The following GSDMB variants were observed in gnomAD, a reference collection of about 807,000 sequenced individuals.
GSDMB encodes gasdermin B.
In GSDMB, 32 loss-of-function variants were observed where a neutral mutation model predicts 42.9. That is an observed-to-expected ratio of 0.75 (90% CI 0.56 to 1.00). The LOEUF (loss-of-function observed/expected upper bound fraction) is 1.00, where lower values mean the gene tolerates loss of function less well. GSDMB is among the 50% of genes least tolerant of loss of function. The pLI, the probability that GSDMB is intolerant of heterozygous loss-of-function variation, is 0.00. For missense variants in GSDMB, 468 were observed against 498.5 expected (o/e 0.94, Z 0.58); for synonymous variants, 175 against 193.7 (o/e 0.90, Z 0.80).
intron 9 of GSDMB, 143 bp from the exon 10 acceptor site, chr17:39,905,639 T>G: frequency 1.1e-6 from 1 of 889,844 alleles, no homozygotes; most frequent in South Asian, 1.5e-5. Flanking sequence ...CAAACAGGCC[T>G]CTGCTGTGAC....
At chr17:39,909,676 G>A in intron 4 of GSDMB, 80 bp downstream of exon 4, 1 of 1,285,586 alleles carries the variant, frequency 7.8e-7, no homozygotes, top group Non-Finnish European at 1.1e-6. Context: ...TGAAGGAAGA[G>A]TCTAAGGCTG....
At chr17:39,915,619 T>G (rs1205010520) in intron 2 of GSDMB, among the ~76,000 whole-genome samples, 1 of 125,962 alleles carries the variant, frequency 7.9e-6, no homozygotes, top group East Asian at 2.4e-4. Context: ...TTTTTTTTTT[T>G]GAGAGCTGAC....
intron 10 of GSDMB, 141 bp from the exon 11 acceptor site, chr17:39,905,105 G>GAGCTTCATACTCTCTC: frequency 1.4e-6 from 1 of 735,942 alleles, no homozygotes; most frequent in Non-Finnish European, 2.3e-6. Context: ...AGAGCCCGGA[G>GAGCTTCATACTCTCTC]AGCTTCATAC....
At chr17:39,906,508 A>C in intron 7 of GSDMB, 1 of 1,317,324 alleles carries the variant, frequency 7.6e-7, no homozygotes, top group Non-Finnish European at 9.8e-7. Context: ...CCCAACCCCA[A>C]ATTCTTCTCC....
At chr17:39,906,680 G>C in intron 7 of GSDMB, 1 of 1,204,098 alleles carries the variant, frequency 8.3e-7, no homozygotes, top group Non-Finnish European at 1.1e-6. Flanking sequence ...AAATCCTGAT[G>C]TCCAGGCCAC....
chr17:39,917,856 A>C, intron 1 of GSDMB: 1 of 159,818 alleles, frequency 6.3e-6, no homozygotes. Flanking sequence ...GTTCCAGGAC[A>C]ATCAGTACCT....
rs2063757133 is a variant in GSDMB, at chr17:39,918,586, C to G, written c.-67G>C. On this transcript the variant is annotated 5_prime_UTR_variant, in exon 1 of 11. Transcript: ENST00000418519. Reference sequence around the variant, plus strand: ...GAAATGGAAGTTGTGAGAATCCCCACAGATCTCTGCACAGTTCCTGGCCTC... The same window carrying G: ...GAAATGGAAGTTGTGAGAATCCCCAGAGATCTCTGCACAGTTCCTGGCCTC... 1 of 152,384 alleles carries G rather than the reference C, an allele frequency of 6.6e-6. No individual in the cohort carries two copies. Among genetic ancestry groups the G allele is most frequent in the African/African-American group, 2.4e-5 (1 of 41,432 alleles). The allele number at this position is 152,384 out of a possible 1,614,324, so 9.4% of individuals were successfully genotyped here. A position where few individuals can be genotyped will look rare whatever the true frequency, so the allele number is the denominator to read the frequency against.
chr17:39,911,099 C>T (rs1011149531), intron 3 of GSDMB, among the ~76,000 whole-genome samples: 4 of 151,950 alleles, frequency 2.6e-5, no homozygotes, highest in Non-Finnish European at 5.9e-5. Flanking sequence ...GTCAGGAGTT[C>T]GAGACCAGAT....
rs16965388 is a variant in GSDMB at position 39,905,886 on chromosome 17, G to A, written c.988C>T (p.Arg330Cys). The change falls in exon 9 of 11, where the codon CGT (arginine) becomes TGT (cysteine). Residue 330 changes from arginine to cysteine, a missense_variant. Physicochemically the swap from Arg to Cys is radical, Grantham distance 180. Coordinates refer to ENST00000418519, the MANE Select transcript of GSDMB (RefSeq NM_001165958.2). ...FNAAGVLVEARAKAILDFLDA... is the reference protein window; with the variant it reads ...FNAAGVLVEACAKAILDFLDA... ...AGGAAGTCCAGAATGGCTTTTGCAC[G>A]CGCTTCTACCAAGACCCCAGCAGCA... 6.5e-3 allele frequency: 10,559 copies of A among 1,614,000 alleles called. 511 individuals carry two copies. The African/African-American group carries it at 0.11, about 17-fold the overall frequency.
rs903053745 is a variant in GSDMB at position 39,906,202 on chromosome 17, T to C, written c.797A>G (p.Lys266Arg). Residue 266 changes from lysine (K) to arginine (R), a missense_variant, in exon 8 of 11, where the codon AAG becomes AGG. Coordinates refer to ENST00000418519, the MANE Select transcript of GSDMB (RefSeq NM_001165958.2). ...EKLEDMESVL[K>R]DLTEEKRKDV... ...TTTTCTCTTCTCCTCTGTCAGGTCC[T>C]TGAGGACACTCTCCATGTCCTCCAA... is the stretch of plus-strand genomic sequence containing the variant. 7 of 1,614,044 alleles carry C rather than the reference T, an allele frequency of 4.3e-6. No homozygotes were observed. In the South Asian group the frequency reaches 5.5e-5, roughly 13 times the overall value.
chr17:39,918,285 CA>C (rs2063751931), intron 1 of GSDMB: 2 of 152,168 alleles, frequency 1.3e-5, no homozygotes, highest in South Asian at 4.1e-4. Flanking sequence ...AACAATTTCC[CA>C]ATGAGGTGGT....
rs757110404 is a variant in GSDMB, at chr17:39,917,123, T to C, written c.194A>G (p.Asp65Gly). 3.7e-6 allele frequency: 6 copies of C among 1,614,120 alleles called. No homozygotes were observed. The highest frequency in any genetic ancestry group is 4.2e-6 in the Non-Finnish European group (5 of 1,179,964). Reference protein sequence around the residue: ...GLTLMDILDTDGDKWLDELDS... With the variant: ...GLTLMDILDTGGDKWLDELDS... ...CAGTTCATCTAACCACTTGTCCCCA[T>C]CTGTGTCCAGAATGTCCATCAGGGT... Residue 65 changes from aspartate to glycine, a missense_variant, in exon 2 of 11, where the codon GAT (aspartate) becomes GGT (glycine). Coordinates refer to ENST00000418519, the MANE Select transcript of GSDMB (RefSeq NM_001165958.2).
At chr17:39,906,653 A>C (rs2063509755) in intron 7 of GSDMB, 2 of 1,253,880 alleles carry the variant, frequency 1.6e-6, no homozygotes, top group Admixed American at 3.6e-5. Context: ...CATGAGAATC[A>C]CCTGAGGAGT....
At chr17:39,908,115 T>G (rs2063537552) in intron 6 of GSDMB, 61 bp downstream of exon 6, 1 of 965,648 alleles carries the variant, frequency 1.0e-6, no homozygotes. Context: ...AATTCCATTT[T>G]TAAAAATAGT....
rs1348057930 is a variant in GSDMB, at chr17:39,904,952, T to C, written c.1111A>G (p.Met371Val). 6.2e-7 allele frequency: 1 copy of C among 1,613,612 alleles called. No homozygotes were observed. The highest frequency in any genetic ancestry group is 8.5e-7 in the Non-Finnish European group (1 of 1,179,740). The change falls in exon 11 of 11, where the codon ATG (methionine) becomes GTG (valine). Residue 371 changes from methionine to valine, a missense_variant. Transcript: ENST00000418519. ...PLLKDQVKSV[M>V]EQNWDELASS... Reference sequence around the variant, plus strand: ...GCCAGCTCATCCCAGTTCTGCTCCATGACAGATTTCACCTGGAAGGAAACC... The same window carrying C: ...GCCAGCTCATCCCAGTTCTGCTCCACGACAGATTTCACCTGGAAGGAAACC...
intron 3 of GSDMB, among the ~76,000 whole-genome samples, chr17:39,910,595 G>A (rs1376298234): frequency 6.6e-6 from 1 of 152,142 alleles, no homozygotes; most frequent in Non-Finnish European, 1.5e-5. Context: ...ACTGAGATAG[G>A]CATCTGTGAA....
In GSDMB at chr17:39,905,458, C is replaced by G; in HGVS notation, c.1066G>C (p.Glu356Gln). Reference protein sequence around the residue: ...EEQQFVAEALEKGTLPLLKDQ... With the variant: ...EEQQFVAEALQKGTLPLLKDQ... ...TTCAACAGAGGAAGGGTCCCCTTCT[C>G]CAGGGCCTCAGCCACAAACTGCTGC... is the stretch of plus-strand genomic sequence containing the variant. The change falls in exon 10 of 11, where the codon GAG becomes CAG. Residue 356 changes from glutamate (E) to glutamine (Q), a missense_variant. Transcript: ENST00000418519. 1 of 1,609,752 alleles carries G rather than the reference C, an allele frequency of 6.2e-7. No individual in the cohort carries two copies. The highest frequency in any genetic ancestry group is 8.5e-7 in the Non-Finnish European group (1 of 1,178,146).
Position 39,908,729 on chromosome 17 carries a change from T to C in GSDMB, c.661+229A>G, listed in dbSNP as rs1050840361. Among the ~76,000 whole-genome samples, 3 of 152,188 alleles carry C rather than the reference T, an allele frequency of 2.0e-5. 1 individual carries two copies. Among genetic ancestry groups the C allele is most frequent in the Admixed American group, 1.3e-4 (2 of 15,270 alleles). ...AGACTGGGAGAGGAGTTAATGACTC[T>C]TATGTCATGTTCAGGCAAATCCTGG... On this transcript the variant is annotated intron_variant, in intron 5 of 10. Transcript: ENST00000418519.
chr17:39,912,014 G>T (rs895111930), intron 3 of GSDMB, among the ~76,000 whole-genome samples: 1 of 152,048 alleles, frequency 6.6e-6, no homozygotes, highest in African/African-American at 2.4e-5. Flanking sequence ...CATCCTGGGG[G>T]ACAGCAGGGA....
Sources: allele counts gnomAD v4.1 joint callset (sites outside exome capture counted in the v4.1 genomes callset), GRCh38; gene constraint gnomAD v4.1.1; transcripts MANE v1.5; gene names NCBI Gene and HGNC (gene_info 2026-07-23, HGNC 2026-07-21).